Variants in DNAJA1 observed in about 807,000 individuals in gnomAD.
DNAJA1 encodes DnaJ heat shock protein family (Hsp40) member A1.
A neutral mutation model predicts 47.6 loss-of-function variants in DNAJA1; 26 were observed. The ratio of observed to expected loss-of-function variants is 0.55; its 90% CI spans 0.40 to 0.76. The LOEUF (loss-of-function observed/expected upper bound fraction) is 0.76. DNAJA1 is among the 30% of genes least tolerant of loss of function. DNAJA1 has a pLI of 0.00. For synonymous variants in DNAJA1, 165 were observed against 158.4 expected (o/e 1.04, Z -0.31); for missense variants, 315 against 485.0 (o/e 0.65, Z 3.29).
intron 5 of DNAJA1, among the ~76,000 whole-genome samples, chr9:33,033,386 G>A (rs546162967): frequency 6.6e-6 from 1 of 151,906 alleles, no homozygotes; most frequent in South Asian, 2.1e-4. Context: ...TTTTTTAAGG[G>A]GACTATACTG....
intron 6 of DNAJA1, 35 bp downstream of exon 6, chr9:33,034,365 A>C: frequency 4.9e-5 from 75 of 1,533,258 alleles, no homozygotes; most frequent in Non-Finnish European, 6.2e-5. Context: ...AATTGATATC[A>C]CATATTTGGG....
At chr9:33,033,739 A>T (rs1479054656) in intron 5 of DNAJA1, among the ~76,000 whole-genome samples, 1 of 152,240 alleles carries the variant, frequency 6.6e-6, no homozygotes, top group Non-Finnish European at 1.5e-5. Context: ...TATAAATACT[A>T]CAATAGAAGG....
At chr9:33,034,759 A>G (rs1016064402) in intron 6 of DNAJA1, among the ~76,000 whole-genome samples, 1 of 152,222 alleles carries the variant, frequency 6.6e-6, no homozygotes, top group African/African-American at 2.4e-5. Flanking sequence ...CTAAGTATAA[A>G]TTCAGGTCTA....
intron 3 of DNAJA1, among the ~76,000 whole-genome samples, chr9:33,027,409 TG>T (rs1417263863): frequency 1.3e-5 from 2 of 152,020 alleles, no homozygotes; most frequent in Non-Finnish European, 2.9e-5. Flanking sequence ...CCACCTGCCT[TG>T]GCCTCCCAGA....
chr9:33,028,163 A>G (rs867175799), intron 3 of DNAJA1, among the ~76,000 whole-genome samples: 2 of 152,024 alleles, frequency 1.3e-5, no homozygotes, highest in East Asian at 3.9e-4. Flanking sequence ...TTCAAATGGG[A>G]GTAAGTTAAA....
rs79551431 is a variant in DNAJA1, at chr9:33,027,549, A to T, written c.310+559A>T. ...ATGACTGCTTCCAAAAATCTTAGAT[A>T]TTATCAAACAAATTATGAGAACAGG... On this transcript the variant is annotated intron_variant, in intron 3 of 8. Transcript: ENST00000330899. Among the ~76,000 whole-genome samples the T allele has an allele frequency of 5.9e-3, 890 of 152,130 alleles. 3 individuals carry two copies. Among genetic ancestry groups the T allele is most frequent in the Non-Finnish European group, 8.3e-3 (567 of 67,990 alleles).
Position 33,030,421 on chromosome 9 carries a change from A to T in DNAJA1, c.416-19A>T. ...ACACTACTAATTCATACATTATTTA[A>T]TTTTCTTTTTAAATTTAGGTAGAGG... is the stretch of plus-strand genomic sequence containing the variant. On this transcript the variant is annotated intron_variant, in intron 4 of 8. Transcript: ENST00000330899. The T allele has an allele frequency of 6.3e-7, 1 of 1,597,192 alleles. No individual in the cohort carries two copies. The highest frequency in any genetic ancestry group is 1.1e-5 in the South Asian group (1 of 89,666).
At chr9:33,037,310 A>T (rs1393544365) in intron 8 of DNAJA1, 195 bp downstream of exon 8, 5 of 317,120 alleles carry the variant, frequency 1.6e-5, no homozygotes, top group Admixed American at 5.2e-5. Context: ...CTGTCTCTTT[A>T]AAAAAACAAA....
In DNAJA1 at chr9:33,036,604, C is replaced by T. The variant is rs200829518; in HGVS notation, c.789C>T (p.Asp263=). 2 of 1,613,558 alleles carry T rather than the reference C, an allele frequency of 1.2e-6. No homozygotes were observed. The highest frequency in any genetic ancestry group is 2.2e-5 in the South Asian group (2 of 91,028). ...RRGEDLFMCM[D]IQLVEALCGF... ...GAGAAGACCTTTTCATGTGTATGGA[C>T]ATACAGCTCGTTGAAGCACTGTGTG... Residue 263 remains aspartate, a synonymous_variant, in exon 7 of 9, where the codon GAC becomes GAT. Coordinates refer to ENST00000330899, the MANE Select transcript of DNAJA1 (RefSeq NM_001539.4).
chr9:33,027,060 CACCCATTTTAAATGCT>C, intron 3 of DNAJA1, 70 bp downstream of exon 3: 1 of 1,569,124 alleles, frequency 6.4e-7, no homozygotes, highest in Non-Finnish European at 8.7e-7. Context: ...TTTGAGAAAT[CACCCATTTTAAATGCT>C]TGTTTACATG....
At chr9:33,025,492 T>C (rs1015734866) in intron 1 of DNAJA1, 109 bp downstream of exon 1, 1 of 152,486 alleles carries the variant, frequency 6.6e-6, no homozygotes, top group Admixed American at 6.5e-5. Flanking sequence ...GTAGGACCGC[T>C]GTCAGTTCCT....
At chr9:33,031,348 C>T (rs939554854) in intron 5 of DNAJA1, among the ~76,000 whole-genome samples, 15 of 152,180 alleles carry the variant, frequency 9.9e-5, no homozygotes, top group African/African-American at 3.4e-4. Flanking sequence ...TGACCTGCCT[C>T]GGCCTCCCAA....
chr9:33,039,035 T>G lies in DNAJA1; in HGVS notation c.*132T>G. ...AAACTATAGTAGTGTTTTAAAAAGT[T>G]AAATGAAGAATAAACGCAAATATAA... On this transcript the variant is annotated 3_prime_UTR_variant, in exon 9 of 9. Coordinates refer to ENST00000330899, the MANE Select transcript of DNAJA1 (RefSeq NM_001539.4). 1 of 878,668 alleles carries G rather than the reference T, an allele frequency of 1.1e-6. No individual in the cohort carries two copies. Among genetic ancestry groups the G allele is most frequent in the Middle Eastern group, 2.2e-4 (1 of 4,496 alleles). 54.4% of individuals were successfully genotyped at this position (878,668 alleles called of 1,614,324 possible).
At chr9:33,028,016 C>T (rs1564011967) in intron 3 of DNAJA1, among the ~76,000 whole-genome samples, 1 of 116,506 alleles carries the variant, frequency 8.6e-6, no homozygotes, top group Non-Finnish European at 1.7e-5. Flanking sequence ...CACAGCGAGA[C>T]TCTTGTCTCA....
intron 3 of DNAJA1, among the ~76,000 whole-genome samples, chr9:33,028,663 AG>A (rs1424668396): frequency 6.6e-6 from 1 of 152,246 alleles, no homozygotes; most frequent in African/African-American, 2.4e-5. Flanking sequence ...TACCTTACAA[AG>A]AACCTGCAGG....
intron 5 of DNAJA1, among the ~76,000 whole-genome samples, chr9:33,032,738 C>T (rs895600832): frequency 1.3e-5 from 2 of 152,150 alleles, no homozygotes; most frequent in Admixed American, 6.5e-5. Context: ...TTAATTTTGT[C>T]AGTGTATGAT....
chr9:33,026,341 ACCTTTT>A, intron 1 of DNAJA1, 128 bp from the exon 2 acceptor site: 1 of 839,938 alleles, frequency 1.2e-6, no homozygotes, highest in Non-Finnish European at 1.8e-6. Context: ...AGGAATTGTT[ACCTTTT>A]TGGTGAAATT....
rs1838942766 is a variant in DNAJA1 at position 33,030,415 on chromosome 9, TATTTA to T, written c.416-20_416-16del. 1.3e-6 allele frequency: 2 copies of T among 1,587,500 alleles called. No individual in the cohort carries two copies. The highest frequency in any genetic ancestry group is 4.7e-5 in the East Asian group (2 of 42,522). On this transcript the variant is annotated intron_variant, in intron 4 of 8. Transcript: ENST00000330899. ...CTGTATACACTACTAATTCATACATTATTTAATTTTCTTTTTAAATTTAGGTAGAG... is the reference window on the plus strand; with the variant it reads ...CTGTATACACTACTAATTCATACATTATTTTCTTTTTAAATTTAGGTAGAG...
rs1343601633 is a variant in DNAJA1, at chr9:33,034,384, TTTG to T, written c.758+57_758+59del. On this transcript the variant is annotated intron_variant, in intron 6 of 8. Transcript: ENST00000330899. ...GATATCACATATTTGGGTTGTTGGT[TTTG>T]TTTTTTGTTTTTTTGTTTTTTTTAA... 1.3e-5 allele frequency: 18 copies of T among 1,391,290 alleles called. No individual in the cohort carries two copies. The East Asian group carries it at 3.9e-4, about 30-fold the overall frequency. 86.2% of individuals were successfully genotyped at this position (1,391,290 alleles called of 1,614,324 possible).
Sources: allele counts gnomAD v4.1 joint callset (sites outside exome capture counted in the v4.1 genomes callset), GRCh38; gene constraint gnomAD v4.1.1; transcripts MANE v1.5; gene names NCBI Gene and HGNC (gene_info 2026-07-23, HGNC 2026-07-21).